ALPK1: variants seen among roughly 807,000 people sequenced by gnomAD.
ALPK1 encodes alpha kinase 1.
Under a neutral mutation model 120.6 loss-of-function variants are expected in ALPK1, and 110 were observed. The observed-to-expected ratio is 0.91, with a 90% CI of 0.78 to 1.07. ALPK1 has a LOEUF of 1.07. ALPK1 is among the 50% of genes least tolerant of loss of function. ALPK1 has a pLI of 0.00. For synonymous variants in ALPK1, 582 were observed against 560.3 expected (o/e 1.04, Z -0.55); for missense variants, 1,498 against 1,483.9 (o/e 1.01, Z -0.16).
At chr4:112,382,836 G>T in intron 4 of ALPK1, 1 of 344,020 alleles carries the variant, frequency 2.9e-6, no homozygotes, top group Non-Finnish European at 5.4e-6. Flanking sequence ...GTGGGCCAAA[G>T]AAGCAGATTT....
chr4:112,426,693 G>C (rs1326783552), intron 8 of ALPK1, 150 bp downstream of exon 8: 1 of 579,770 alleles, frequency 1.7e-6, no homozygotes, highest in African/African-American at 2.0e-5. Flanking sequence ...ACAGTTAGTA[G>C]CTTCCTTATG....
rs759168574 is a variant in ALPK1 at position 112,431,161 on chromosome 4, C to G, written c.1614C>G (p.Asn538Lys). 1.9e-5 allele frequency: 31 copies of G among 1,614,046 alleles called. No homozygotes were observed. The highest frequency in any genetic ancestry group is 5.0e-5 in the Admixed American group (3 of 60,004). ...AACTCAGAAGGGGAGGAAGGAGAAA[C>G]TGGACCCATTCTGATGCATTTCGAG... ...QRELRRGGRR[N>K]WTHSDAFRVS... is the part of the protein sequence containing the mutation. Residue 538 changes from asparagine (N) to lysine (K), a missense_variant, in exon 11 of 16, where the codon AAC (asparagine) becomes AAG (lysine). Asn to Lys is a moderately conservative substitution (Grantham distance 94, BLOSUM62 0). Transcript: ENST00000650871.
chr4:112,300,177 C>T (rs17443527), intron 1 of ALPK1, among the ~76,000 whole-genome samples: 4,379 of 151,992 alleles, frequency 0.029, 108 homozygotes, highest in Non-Finnish European at 0.04. Context: ...AAAAATAGTA[C>T]CAGCACAGAA....
At chr4:112,345,897 C>G (rs181690877) in intron 2 of ALPK1, among the ~76,000 whole-genome samples, 9 of 152,296 alleles carry the variant, frequency 5.9e-5, no homozygotes, top group African/African-American at 2.2e-4. Flanking sequence ...GAGTTTCACT[C>G]TTGTTGCCCA....
chr4:112,416,112 C>T (rs1272400291), intron 5 of ALPK1, among the ~76,000 whole-genome samples: 1 of 152,080 alleles, frequency 6.6e-6, no homozygotes, highest in Admixed American at 6.5e-5. Flanking sequence ...GCTCTGAATC[C>T]CCTAAAGATC....
intron 2 of ALPK1, among the ~76,000 whole-genome samples, chr4:112,376,183 G>A (rs1462513317): frequency 6.6e-6 from 1 of 152,180 alleles, no homozygotes; most frequent in East Asian, 1.9e-4. Context: ...TTACCAAAAA[G>A]TGGCACAGAG....
intron 6 of ALPK1, among the ~76,000 whole-genome samples, chr4:112,424,424 G>C (rs1316420054): frequency 6.6e-6 from 1 of 152,052 alleles, no homozygotes; most frequent in Non-Finnish European, 1.5e-5. Context: ...TTTGATTTTT[G>C]GTACATAAGA....
chr4:112,329,224 C>T (rs1241668076), intron 2 of ALPK1, among the ~76,000 whole-genome samples: 1 of 152,188 alleles, frequency 6.6e-6, no homozygotes, highest in Non-Finnish European at 1.5e-5. Context: ...ATAATCCAAG[C>T]ACTTACGGAG....
intron 1 of ALPK1, among the ~76,000 whole-genome samples, chr4:112,299,321 A>T (rs1381672747): frequency 6.6e-6 from 1 of 152,150 alleles, no homozygotes; most frequent in African/African-American, 2.4e-5. Context: ...AACTTTTCCT[A>T]AGTATGGTAT....
chr4:112,347,183 A>T (rs1201956980), intron 2 of ALPK1, among the ~76,000 whole-genome samples: 2 of 152,214 alleles, frequency 1.3e-5, no homozygotes, highest in Non-Finnish European at 2.9e-5. Flanking sequence ...TAGAATCAAC[A>T]TTCTGTTAAA....
Position 112,326,002 on chromosome 4 carries a change from C to A in ALPK1, c.-101+10150C>A, listed in dbSNP as rs115049568. On this transcript the variant is annotated intron_variant, in intron 2 of 15. Transcript: ENST00000650871. ...CTCACACTCAAACTGGTGTCTCTGG[C>A]TGAGCCATCAAAGCCTTTCCTACCT... Among the ~76,000 whole-genome samples the A allele has an allele frequency of 8.5e-4, 129 of 152,296 alleles. 1 individual carries two copies. The highest frequency in any genetic ancestry group is 2.8e-3 in the African/African-American group (117 of 41,560).
rs572652703 is a variant in ALPK1 at position 112,431,115 on chromosome 4, T to C, written c.1568T>C (p.Met523Thr). The C allele has an allele frequency of 4.0e-5, 65 of 1,614,114 alleles. No individual in the cohort carries two copies. In the South Asian group the frequency reaches 6.8e-4, roughly 17 times the overall value. ...GACACAGGAATATCTTCCTCCCTAA[T>C]GGGTAAGAATGTTCAGAGGGAACTC... Reference protein sequence around the residue: ...QRDTGISSSLMGKNVQRELRR... With the variant: ...QRDTGISSSLTGKNVQRELRR... The change falls in exon 11 of 16, where the codon ATG becomes ACG. Residue 523 changes from methionine (M) to threonine (T), a missense_variant. By Grantham distance (81) the Met-to-Thr change is moderately conservative. Coordinates refer to ENST00000650871, the MANE Select transcript of ALPK1 (RefSeq NM_025144.4).
chr4:112,375,904 C>T (rs1731637790), intron 2 of ALPK1, among the ~76,000 whole-genome samples: 1 of 152,162 alleles, frequency 6.6e-6, no homozygotes, highest in Non-Finnish European at 1.5e-5. Flanking sequence ...CACTTGAACA[C>T]ATAGAGGCTG....
intron 2 of ALPK1, among the ~76,000 whole-genome samples, chr4:112,376,859 T>C (rs1032521169): frequency 2.4e-4 from 37 of 151,866 alleles, no homozygotes; most frequent in African/African-American, 8.4e-4. Flanking sequence ...CTGTCTTTCA[T>C]TTACAATATA....
intron 1 of ALPK1, among the ~76,000 whole-genome samples, chr4:112,303,974 C>T (rs1727906503): frequency 6.6e-6 from 1 of 152,092 alleles, no homozygotes; most frequent in Non-Finnish European, 1.5e-5. Context: ...TGTTCAGTTC[C>T]CACCTATGAG....
chr4:112,338,650 A>G (rs995398588), intron 2 of ALPK1, among the ~76,000 whole-genome samples: 2 of 152,246 alleles, frequency 1.3e-5, no homozygotes, highest in Admixed American at 6.5e-5. Context: ...GGAAGGCTGC[A>G]AATAAAGTCA....
At chr4:112,438,689 A>T (rs760677171) in intron 13 of ALPK1, 43 bp downstream of exon 13, 2 of 1,584,856 alleles carry the variant, frequency 1.3e-6, no homozygotes, top group South Asian at 2.3e-5. Context: ...TCCAAATCAC[A>T]CTTGAATATC....
intron 11 of ALPK1, among the ~76,000 whole-genome samples, chr4:112,434,384 T>G (rs1484138301): frequency 6.6e-6 from 1 of 152,212 alleles, no homozygotes; most frequent in African/African-American, 2.4e-5. Flanking sequence ...TTATCTTGCT[T>G]TAAGTATTTT....
At position 112,436,673 on chromosome 4, in the gene ALPK1, C is replaced by A. The variant is rs1299095426; in HGVS notation, c.3188+1372C>A. ...GCTGGGAGACAGCCTGAAACAGATT[C>A]TTCCTTAGAGCCTTCAGCAGGATGA... On this transcript the variant is annotated intron_variant, in intron 12 of 15. Coordinates refer to ENST00000650871, the MANE Select transcript of ALPK1 (RefSeq NM_025144.4). Among the ~76,000 whole-genome samples, 5 of 152,222 alleles carry A rather than the reference C, an allele frequency of 3.3e-5. No individual in the cohort carries two copies. The East Asian group carries it at 7.7e-4, about 23-fold the overall frequency.
Sources: gnomAD v4.1 joint callset for allele counts (sites outside exome capture counted in the v4.1 genomes callset) on GRCh38, gnomAD v4.1.1 for gene constraint, MANE v1.5 for transcripts, NCBI Gene and HGNC (gene_info 2026-07-23, HGNC 2026-07-21) for gene names.